The following COL4A1 variants were observed in gnomAD, a reference collection of about 807,000 sequenced individuals.
COL4A1 encodes collagen type IV alpha 1 chain.
In COL4A1, 40 loss-of-function variants were observed where a neutral mutation model predicts 216.6. The ratio of observed to expected loss-of-function variants is 0.18; its 90% confidence interval spans 0.14 to 0.24. The LOEUF (loss-of-function observed/expected upper bound fraction) is 0.24. Ranked by LOEUF, COL4A1 falls within the 10% of genes least tolerant of loss-of-function variation. COL4A1 has a pLI of 1.00. For synonymous variants in COL4A1, 839 were observed against 810.7 expected (o/e 1.03, Z -0.59); for missense variants, 1,628 against 2,196.8 (o/e 0.74, Z 5.18).
chr13:110,255,923 G>A lies in COL4A1; in HGVS notation c.85-13189C>T, dbSNP rs185830760. On this transcript the variant is annotated intron_variant, in intron 1 of 51. Coordinates refer to ENST00000375820, the MANE Select transcript of COL4A1 (RefSeq NM_001845.6). ...AAGGGAGGGGGAAGGCAGGAAGGGAGGGGGAAGGAGGCAGAGGAAAGAAAA... is the reference window on the plus strand; with the variant it reads ...AAGGGAGGGGGAAGGCAGGAAGGGAAGGGGAAGGAGGCAGAGGAAAGAAAA... Among the ~76,000 whole-genome samples, 33 of 139,926 alleles carry A rather than the reference G, an allele frequency of 2.4e-4. 1 individual carries two copies. Among genetic ancestry groups the A allele is most frequent in the Non-Finnish European group, 2.7e-4 (17 of 63,628 alleles). 91.8% of individuals were successfully genotyped at this position (139,926 alleles called of 152,430 possible). A position where few individuals can be genotyped will look rare whatever the true frequency, so the allele number is the denominator to read the frequency against.
intron 28 of COL4A1, among the ~76,000 whole-genome samples, chr13:110,182,637 C>T (rs1298556433): frequency 6.6e-6 from 1 of 152,228 alleles, no homozygotes; most frequent in African/African-American, 2.4e-5. Context: ...TGCACCTCCC[C>T]CTGGGCGCTC....
intron 2 of COL4A1, among the ~76,000 whole-genome samples, chr13:110,228,399 T>C (rs1244912483): frequency 2.0e-5 from 3 of 152,136 alleles, no homozygotes; most frequent in Non-Finnish European, 4.4e-5. Flanking sequence ...GACTACCCAC[T>C]TCCGGGCCTG....
At chr13:110,210,993 C>T (rs924065660) in intron 8 of COL4A1, among the ~76,000 whole-genome samples, 3 of 152,226 alleles carry the variant, frequency 2.0e-5, no homozygotes, top group African/African-American at 7.2e-5. Context: ...TGGCCACACA[C>T]ACACATGCTC....
chr13:110,221,734 C>G (rs924689518), intron 2 of COL4A1, among the ~76,000 whole-genome samples: 1 of 152,120 alleles, frequency 6.6e-6, no homozygotes, highest in Non-Finnish European at 1.5e-5. Context: ...GTCCAAAATG[C>G]TCTCATTAAT....
chr13:110,277,972 C>A (rs1302665739), intron 1 of COL4A1, among the ~76,000 whole-genome samples: 3 of 152,188 alleles, frequency 2.0e-5, no homozygotes, highest in Non-Finnish European at 1.5e-5. Flanking sequence ...CTAAAAAATT[C>A]TTTCCTATTT....
In COL4A1 at chr13:110,295,320, T is replaced by C. The variant is rs145565771; in HGVS notation, c.84+11624A>G. Among the ~76,000 whole-genome samples, 180 of 151,916 alleles carry C rather than the reference T, an allele frequency of 1.2e-3. 3 individuals carry two copies. The East Asian group carries it at 0.02, about 17-fold the overall frequency. ...AGACACAATAAAGGAATGGGCTGAT[T>C]TTAAGTCCAAATCTTAAATAACTCC... On this transcript the variant is annotated intron_variant, in intron 1 of 51. Transcript: ENST00000375820.
At chr13:110,276,529 A>C (rs984355335) in intron 1 of COL4A1, among the ~76,000 whole-genome samples, 2 of 152,136 alleles carry the variant, frequency 1.3e-5, no homozygotes, top group Non-Finnish European at 2.9e-5. Context: ...GAGGGTTCCA[A>C]ATTTTTGTAG....
At chr13:110,298,503 A>AT (rs1160156887) in intron 1 of COL4A1, 2 of 152,144 alleles carry the variant, frequency 1.3e-5, no homozygotes, top group Non-Finnish European at 1.5e-5. Context: ...CGTGGATGGT[A>AT]TTTTCCCCCA....
At chr13:110,301,900 G>GA (rs1297741230) in intron 1 of COL4A1, among the ~76,000 whole-genome samples, 1 of 152,224 alleles carries the variant, frequency 6.6e-6, no homozygotes, top group Non-Finnish European at 1.5e-5. Flanking sequence ...ACCCCAGTGA[G>GA]ATAGTAGGTG....
chr13:110,269,244 G>A (rs1383538513), intron 1 of COL4A1, among the ~76,000 whole-genome samples: 1 of 152,132 alleles, frequency 6.6e-6, no homozygotes, highest in Non-Finnish European at 1.5e-5. Context: ...TCCAGGGCTC[G>A]AAGCATATGT....
intron 36 of COL4A1, 117 bp downstream of exon 36, chr13:110,176,307 A>C (rs1877882957): frequency 1.3e-6 from 1 of 762,994 alleles, no homozygotes; most frequent in East Asian, 2.6e-5. Context: ...ATTCATGTGA[A>C]AGACACACGT....
chr13:110,270,296 T>C (rs1005323421), intron 1 of COL4A1, among the ~76,000 whole-genome samples: 3 of 152,250 alleles, frequency 2.0e-5, no homozygotes, highest in Admixed American at 2.0e-4. Context: ...AGTGCAACCT[T>C]CCTCTTAAAG....
In COL4A1 at chr13:110,201,476, G is replaced by C. The variant is rs771204034; in HGVS notation, c.1046C>G (p.Pro349Arg). Residue 349 changes from proline to arginine, a missense_variant, in exon 19 of 52, where the codon CCT becomes CGT. Physicochemically the swap from Pro to Arg is moderately radical, Grantham distance 103. This residue lies in a region of COL4A1 where 701 missense variants were observed against 892.5 expected (regional missense o/e 0.79). Coordinates refer to ENST00000375820, the MANE Select transcript of COL4A1 (RefSeq NM_001845.6). ...PLGEKGERGY[P>R]GTPGPRGEPG... ...CTCTCCTCTTGGCCCCGGAGTTCCA[G>C]GGTAGCCCCTCTCTCCTTTTTCTCC... 8.1e-6 allele frequency: 13 copies of C among 1,614,134 alleles called. No individual in the cohort carries two copies. The highest frequency in any genetic ancestry group is 1.1e-5 in the Non-Finnish European group (13 of 1,180,038).
intron 30 of COL4A1, 42 bp downstream of exon 30, chr13:110,179,229 T>C (rs769051752): frequency 3.7e-6 from 6 of 1,612,842 alleles, no homozygotes; most frequent in Non-Finnish European, 5.1e-6. Flanking sequence ...AATAAGCACA[T>C]CCTGTCCTCG....
chr13:110,225,174 G>A (rs767693952), intron 2 of COL4A1, among the ~76,000 whole-genome samples: 14 of 152,138 alleles, frequency 9.2e-5, no homozygotes, highest in South Asian at 4.1e-4. Flanking sequence ...GTGCAGAGCC[G>A]CGTACATAGC....
At position 110,169,578 on chromosome 13, in the gene COL4A1, T is replaced by C. The variant is rs1877511579; in HGVS notation, c.3876+51A>G. ...ACACATAGACACATATGAATACTTC[T>C]GGCCAGAAAAGACTCCTTTAAAAAT... On this transcript the variant is annotated intron_variant, in intron 43 of 51. Coordinates refer to ENST00000375820, the MANE Select transcript of COL4A1 (RefSeq NM_001845.6). 4 of 1,610,888 alleles carry C rather than the reference T, an allele frequency of 2.5e-6. No individual in the cohort carries two copies. In the African/African-American group the frequency reaches 4.0e-5, roughly 16 times the overall value.
intron 18 of COL4A1, 83 bp from the exon 19 acceptor site, chr13:110,201,605 G>T: frequency 8.7e-7 from 1 of 1,148,000 alleles, no homozygotes; most frequent in Non-Finnish European, 1.3e-6. Context: ...GTGAAGAAAT[G>T]TACATATTTG....
chr13:110,277,590 G>C (rs1017925664), intron 1 of COL4A1, among the ~76,000 whole-genome samples: 1 of 152,174 alleles, frequency 6.6e-6, no homozygotes, highest in African/African-American at 2.4e-5. Flanking sequence ...CTGTTCGGGT[G>C]ATGGGCATCC....
At chr13:110,158,764 CAG>C (rs1393216955) in intron 49 of COL4A1, among the ~76,000 whole-genome samples, 1 of 93,834 alleles carries the variant, frequency 1.1e-5, no homozygotes, top group Non-Finnish European at 1.9e-5. Flanking sequence ...TTTTTTGAGA[CAG>C]AGTTTTGCTC....
Sources: allele counts gnomAD v4.1 joint callset (sites outside exome capture counted in the v4.1 genomes callset), GRCh38; gene constraint gnomAD v4.1.1; regional missense constraint gnomAD v4.1.1; transcripts MANE v1.5; gene names NCBI Gene and HGNC (gene_info 2026-07-23, HGNC 2026-07-21).